HSD17B12: variants seen among roughly 807,000 people sequenced by gnomAD.
HSD17B12 encodes hydroxysteroid 17-beta dehydrogenase 12.
A neutral mutation model predicts 39.3 loss-of-function variants in HSD17B12; 32 were observed. That is an observed-to-expected ratio of 0.81 (90% CI 0.61 to 1.09). The LOEUF (loss-of-function observed/expected upper bound fraction) is 1.09. Ranked by LOEUF, HSD17B12 falls within the 50% of genes least tolerant of loss-of-function variation. HSD17B12 has a pLI of 0.00. For missense variants in HSD17B12, 342 were observed against 382.9 expected (o/e 0.89, Z 0.89); for synonymous variants, 150 against 146.7 (o/e 1.02, Z -0.16).
At chr11:43,601,284 G>A in the HSD17B12 span, among the ~76,000 whole-genome samples, 1 of 151,632 alleles carries the variant, frequency 6.6e-6, no homozygotes, top group African/African-American at 2.4e-5. Context: ...TATTTTATAG[G>A]GTGGTTGTTT....
chr11:43,755,293 T>G (rs1950498833), intron 3 of HSD17B12: 1 of 156,742 alleles, frequency 6.4e-6, no homozygotes, highest in Non-Finnish European at 1.4e-5. Context: ...TGGAAGAACT[T>G]ACAAAAAAGA....
At chr11:43,800,154 T>G (rs1950952937) in intron 4 of HSD17B12, among the ~76,000 whole-genome samples, 1 of 152,218 alleles carries the variant, frequency 6.6e-6, no homozygotes, top group South Asian at 2.1e-4. Context: ...AAGTCACCAC[T>G]GACATCTGTA....
the HSD17B12 span, among the ~76,000 whole-genome samples, chr11:43,620,602 C>A: frequency 6.6e-6 from 1 of 152,124 alleles, no homozygotes; most frequent in Non-Finnish European, 1.5e-5. Flanking sequence ...GCCTATAAAC[C>A]GGAGCTTACT....
At chr11:43,592,064 G>A in the HSD17B12 span, among the ~76,000 whole-genome samples, 1 of 151,918 alleles carries the variant, frequency 6.6e-6, no homozygotes, top group South Asian at 2.1e-4. Context: ...TAAACTGAGA[G>A]CATTTTTAAA....
intron 1 of HSD17B12, among the ~76,000 whole-genome samples, chr11:43,719,957 C>T (rs1950161722): frequency 6.6e-6 from 1 of 152,150 alleles, no homozygotes; most frequent in Admixed American, 6.6e-5. Flanking sequence ...GGGATTGATT[C>T]TATGTCCCAA....
chr11:43,721,307 G>A (rs1367739285), intron 1 of HSD17B12, among the ~76,000 whole-genome samples: 1 of 152,040 alleles, frequency 6.6e-6, no homozygotes, highest in Non-Finnish European at 1.5e-5. Context: ...GTGAGAAGGA[G>A]CCAAACATGG....
chr11:43,817,062 C>T (rs979701930), intron 6 of HSD17B12, among the ~76,000 whole-genome samples: 6 of 139,892 alleles, frequency 4.3e-5, no homozygotes, highest in Admixed American at 2.9e-4. Context: ...ATATATATCT[C>T]GTGGTTTTGG....
intron 3 of HSD17B12, among the ~76,000 whole-genome samples, chr11:43,794,214 C>G (rs553831255): frequency 6.6e-6 from 1 of 152,042 alleles, no homozygotes; most frequent in Non-Finnish European, 1.5e-5. Context: ...TTTCAGATAC[C>G]GACTGATTTG....
At chr11:43,709,958 G>C (rs1306677837) in intron 1 of HSD17B12, among the ~76,000 whole-genome samples, 1 of 152,168 alleles carries the variant, frequency 6.6e-6, no homozygotes, top group Admixed American at 6.5e-5. Flanking sequence ...TCTGGGCTGG[G>C]GAATGGAGCC....
chr11:43,708,454 A>G (rs1278954461), intron 1 of HSD17B12, among the ~76,000 whole-genome samples: 1 of 152,212 alleles, frequency 6.6e-6, no homozygotes, highest in African/African-American at 2.4e-5. Flanking sequence ...TTATAAAGAA[A>G]AGGCAGCTGT....
chr11:43,833,522 A>G (rs10838183), intron 7 of HSD17B12: 35,625 of 152,124 alleles, frequency 0.23, 4,457 homozygotes, highest in Middle Eastern at 0.37. Flanking sequence ...GGCTACAACT[A>G]CTGCACAGAA....
chr11:43,667,107 A>G, the HSD17B12 span, among the ~76,000 whole-genome samples: 1 of 152,224 alleles, frequency 6.6e-6, no homozygotes, highest in Non-Finnish European at 1.5e-5. Context: ...AGAAAAGTAG[A>G]GATAACTGAT....
At chr11:43,653,156 C>G in the HSD17B12 span, among the ~76,000 whole-genome samples, 1 of 151,954 alleles carries the variant, frequency 6.6e-6, no homozygotes, top group Non-Finnish European at 1.5e-5. Flanking sequence ...CTTCTGAGGT[C>G]TAAAGCATCC....
chr11:43,616,420 A>C, the HSD17B12 span, among the ~76,000 whole-genome samples: 1,663 of 139,546 alleles, frequency 0.012, 119 homozygotes, highest in South Asian at 0.024. Flanking sequence ...AAAAAAAACA[A>C]AAAACAAAAA....
the HSD17B12 span, among the ~76,000 whole-genome samples, chr11:43,577,784 A>C: frequency 6.6e-6 from 1 of 152,362 alleles, no homozygotes; most frequent in South Asian, 2.1e-4. Context: ...ATGCGCAGAG[A>C]ATCCAAGCTA....
the HSD17B12 span, among the ~76,000 whole-genome samples, chr11:43,581,634 G>A: frequency 4.6e-3 from 697 of 152,232 alleles, 2 homozygotes; most frequent in African/African-American, 0.016. The surrounding 1 kb of genome is among the most constrained non-coding windows in gnomAD (Gnocchi z 4.9). Context: ...CGAGGCTTTG[G>A]TCACCTGTCT....
intron 4 of HSD17B12, among the ~76,000 whole-genome samples, chr11:43,806,707 A>G (rs1951021567): frequency 6.6e-6 from 1 of 152,210 alleles, no homozygotes; most frequent in Non-Finnish European, 1.5e-5. Context: ...GGATGGGAAT[A>G]AAGAGAGGTT....
chr11:43,838,831 A>G lies in HSD17B12; in HGVS notation c.618+433A>G, dbSNP rs1443770048. Among the ~76,000 whole-genome samples the G allele has an allele frequency of 6.6e-5, 10 of 152,298 alleles. No individual in the cohort carries two copies. In the South Asian group the frequency reaches 1.7e-3, roughly 25 times the overall value. On this transcript the variant is annotated intron_variant, in intron 8 of 10. Transcript: ENST00000278353. ...ATGCATCTAGTCAATGTGTAAATGTACATAGCAGGCACAAGATAGACTGGG... is the reference window on the plus strand; with the variant it reads ...ATGCATCTAGTCAATGTGTAAATGTGCATAGCAGGCACAAGATAGACTGGG...
chr11:43,746,212 T>C (rs775900640), intron 1 of HSD17B12, among the ~76,000 whole-genome samples: 5 of 152,226 alleles, frequency 3.3e-5, no homozygotes, highest in Non-Finnish European at 5.9e-5. Flanking sequence ...TTTTCTTTAA[T>C]AACTAGCTTA....
Sources: gnomAD v4.1 joint callset for allele counts (sites outside exome capture counted in the v4.1 genomes callset) on GRCh38, gnomAD v4.1.1 for gene constraint, Gnocchi (gnomAD v3.1) non-coding constraint, MANE v1.5 for transcripts, NCBI Gene and HGNC (gene_info 2026-07-23, HGNC 2026-07-21) for gene names.